Variants in CDH12 observed in about 807,000 individuals in gnomAD.
The protein encoded by CDH12 is cadherin-12.
Under a neutral mutation model 74.1 loss-of-function variants are expected in CDH12, and 41 were observed. That is an observed-to-expected ratio of 0.55 (90% CI 0.43 to 0.72). The LOEUF (loss-of-function observed/expected upper bound fraction) is 0.72. Among genes scored for constraint, CDH12 ranks in the 30% least tolerant of loss-of-function variants. The pLI is 0.00. For missense variants in CDH12, 945 were observed against 977.2 expected, an observed-to-expected ratio of 0.97 and a Z score of 0.44; for synonymous variants, 399 against 355.0, an observed-to-expected ratio of 1.12 and a Z score of -1.39.
chr5:22,709,469 A>G (rs1210554990), intron 1 of CDH12, among the ~76,000 whole-genome samples: 1 of 152,186 alleles, frequency 6.6e-6, no homozygotes, highest in Non-Finnish European at 1.5e-5. Flanking sequence ...AAAAATATAT[A>G]TATAATTTTA....
chr5:22,793,100 A>G (rs1748001148), intron 1 of CDH12, among the ~76,000 whole-genome samples: 1 of 152,170 alleles, frequency 6.6e-6, no homozygotes, highest in Non-Finnish European at 1.5e-5. Flanking sequence ...CATGAAATAT[A>G]TGATCCCATT....
At chr5:22,343,987 T>A (rs1470592249) in intron 3 of CDH12, among the ~76,000 whole-genome samples, 1 of 152,194 alleles carries the variant, frequency 6.6e-6, no homozygotes, top group East Asian at 1.9e-4. Flanking sequence ...TTCTAAATGC[T>A]CAAGGCAATG....
intron 4 of CDH12, chr5:22,212,221 C>T (rs1352581022): frequency 1.3e-5 from 2 of 152,280 alleles, no homozygotes; most frequent in Non-Finnish European, 2.9e-5. Flanking sequence ...GCACAACCCT[C>T]CAAATAGATT....
chr5:22,622,192 T>A (rs1035266762), intron 1 of CDH12, among the ~76,000 whole-genome samples: 4 of 151,852 alleles, frequency 2.6e-5, no homozygotes, highest in Non-Finnish European at 5.9e-5. Context: ...CTAGACAAAG[T>A]TATAAATAAG....
chr5:22,360,024 G>C (rs1489744676), intron 3 of CDH12, among the ~76,000 whole-genome samples: 1 of 152,114 alleles, frequency 6.6e-6, no homozygotes, highest in East Asian at 1.9e-4. Flanking sequence ...AAAAGAACTA[G>C]AGAAGCAAGA....
Position 22,705,307 on chromosome 5 carries a change from C to T in CDH12, c.-523+147751G>A, listed in dbSNP as rs959487022. On this transcript the variant is annotated intron_variant, in intron 1 of 14. Transcript: ENST00000382254. ...TACAGAGTCAATGAATGGTTAATCA[C>T]CAAGGATATTAACAAGGTCTGTCAA... 5.3e-5 allele frequency among the ~76,000 whole-genome samples: 8 copies of T among 151,836 alleles called. No individual in the cohort carries two copies. The East Asian group carries it at 1.5e-3, about 29-fold the overall frequency.
chr5:21,934,960 GT>G (rs543233125), intron 6 of CDH12, among the ~76,000 whole-genome samples: 2 of 152,002 alleles, frequency 1.3e-5, no homozygotes, highest in Admixed American at 6.6e-5. Flanking sequence ...CTAATTTTTT[GT>G]TTTTTTCGTA....
At chr5:22,589,220 C>A (rs2126796371) in intron 1 of CDH12, among the ~76,000 whole-genome samples, 1 of 152,148 alleles carries the variant, frequency 6.6e-6, no homozygotes, top group South Asian at 2.1e-4. Flanking sequence ...GCATGAGAAG[C>A]ACAGAAGACA....
chr5:22,372,036 G>A (rs570398375), intron 3 of CDH12, among the ~76,000 whole-genome samples: 1 of 152,148 alleles, frequency 6.6e-6, no homozygotes, highest in African/African-American at 2.4e-5. Flanking sequence ...TTTAGAACTA[G>A]TTAAGACAAG....
chr5:22,224,696 AC>A (rs1288372702), intron 3 of CDH12, among the ~76,000 whole-genome samples: 1 of 152,070 alleles, frequency 6.6e-6, no homozygotes, highest in East Asian at 1.9e-4. Flanking sequence ...CTATAGCAGT[AC>A]TGACTTGAGT....
chr5:21,822,253 T>C (rs1748412584), intron 8 of CDH12, among the ~76,000 whole-genome samples: 1 of 151,590 alleles, frequency 6.6e-6, no homozygotes, highest in South Asian at 2.1e-4. Context: ...TTGTATATAA[T>C]ATTTGTATAG....
At chr5:22,251,214 C>T (rs1753119582) in intron 3 of CDH12, among the ~76,000 whole-genome samples, 1 of 152,134 alleles carries the variant, frequency 6.6e-6, no homozygotes, top group African/African-American at 2.4e-5. Context: ...GTGGATGAGA[C>T]TGGAGTCACA....
At chr5:22,390,998 T>C (rs73058164) in intron 3 of CDH12, among the ~76,000 whole-genome samples, 7,703 of 152,264 alleles carry the variant, frequency 0.051, 284 homozygotes, top group African/African-American at 0.11. Flanking sequence ...CTACATTCTA[T>C]GATAGAGTGA....
intron 1 of CDH12, among the ~76,000 whole-genome samples, chr5:22,784,253 G>C (rs1580996978): frequency 6.6e-6 from 1 of 151,936 alleles, no homozygotes; most frequent in South Asian, 2.1e-4. Context: ...ATCACTAGCA[G>C]ATTTACAGCT....
chr5:22,140,397 AT>A (rs1218246700), intron 4 of CDH12, among the ~76,000 whole-genome samples: 2 of 152,056 alleles, frequency 1.3e-5, no homozygotes, highest in Non-Finnish European at 2.9e-5. Flanking sequence ...CCACACAATA[AT>A]TTCAAACAAC....
chr5:22,481,402 T>G (rs1035417022), intron 2 of CDH12, among the ~76,000 whole-genome samples: 1 of 152,194 alleles, frequency 6.6e-6, no homozygotes, highest in Admixed American at 6.5e-5. Context: ...TGTACCTTCA[T>G]GTTCATGGCA....
At chr5:22,466,163 C>G (rs1289256650) in intron 2 of CDH12, among the ~76,000 whole-genome samples, 1 of 152,156 alleles carries the variant, frequency 6.6e-6, no homozygotes, top group Non-Finnish European at 1.5e-5. Flanking sequence ...CATCTCCAGC[C>G]CTTGGCCAGA....
intron 1 of CDH12, among the ~76,000 whole-genome samples, chr5:22,731,104 C>G (rs947234509): frequency 1.3e-5 from 2 of 151,778 alleles, no homozygotes; most frequent in African/African-American, 2.4e-5. Flanking sequence ...CTTTGGACTT[C>G]TTAGAAGATA....
Position 22,163,431 on chromosome 5 carries a change from A to C in CDH12, c.-187+49067T>G, listed in dbSNP as rs139541359. ...AAAATGCATCTCAAACTTGGCATGC[A>C]CAAAACTGCACCTTCAATCCATGAA... On this transcript the variant is annotated intron_variant, in intron 4 of 14. Transcript: ENST00000382254. Among the ~76,000 whole-genome samples, 5 of 152,326 alleles carry C rather than the reference A, an allele frequency of 3.3e-5. No individual in the cohort carries two copies. In the East Asian group the frequency reaches 9.7e-4, roughly 29 times the overall value.
Sources: gnomAD v4.1 joint callset for allele counts (sites outside exome capture counted in the v4.1 genomes callset) on GRCh38, gnomAD v4.1.1 for gene constraint, MANE v1.5 for transcripts, NCBI Gene and HGNC (gene_info 2026-07-23, HGNC 2026-07-21) for gene names.